The following CSMD1 variants were observed in gnomAD, a reference collection of about 807,000 sequenced individuals.
The protein encoded by CSMD1 is CUB and Sushi multiple domains 1, also known as CUB and sushi domain-containing protein 1.
CSMD1 carries 213 observed loss-of-function variants against 417.5 expected under a neutral mutation model. The ratio of observed to expected loss-of-function variants is 0.51; its 90% CI spans 0.46 to 0.57. The LOEUF is 0.57. Among genes scored for constraint, CSMD1 ranks in the 20% least tolerant of loss-of-function variants. CSMD1 has a pLI of 0.00. For synonymous variants in CSMD1, 2,862 were observed against 1,736.8 expected (o/e 1.65, Z -16.11); for missense variants, 6,923 against 4,529.7 (o/e 1.53, Z -15.17).
At chr8:4,290,634 C>G (rs1033234811) in intron 3 of CSMD1, among the ~76,000 whole-genome samples, 1 of 152,140 alleles carries the variant, frequency 6.6e-6, no homozygotes, top group East Asian at 1.9e-4. Flanking sequence ...GGAAAGATTC[C>G]TTGTGAGAAG....
In CSMD1 at chr8:4,248,937, G is replaced by A. The variant is rs561430936; in HGVS notation, c.415+171016C>T. Among the ~76,000 whole-genome samples the A allele has an allele frequency of 2.2e-4, 34 of 152,238 alleles. 1 individual carries two copies. The highest frequency in any genetic ancestry group is 9.8e-4 in the Admixed American group (15 of 15,282). The stretch of plus-strand genomic sequence containing the variant: ...TGAGAATGCCTATTTAATGCATGTA[G>A]ATGCATAATACCATAATGCTACTTT... On this transcript the variant is annotated intron_variant, in intron 3 of 69. Transcript: ENST00000635120.
In CSMD1 at chr8:4,595,471, G is replaced by T. The variant is rs1338497914; in HGVS notation, c.302+41871C>A. On this transcript the variant is annotated intron_variant, in intron 2 of 69. Transcript: ENST00000635120. The stretch of plus-strand genomic sequence containing the variant: ...CTGGTAAGACTGTTCTGGTTCTGTG[G>T]CTTCCTTTGGAGTCCTCTCAAATGG... Among the ~76,000 whole-genome samples the T allele has an allele frequency of 2.6e-5, 4 of 151,828 alleles. No homozygotes were observed. In the East Asian group the frequency reaches 7.8e-4, roughly 29 times the overall value.
At chr8:3,410,426 G>T (rs1384764873) in intron 12 of CSMD1, among the ~76,000 whole-genome samples, 1 of 152,106 alleles carries the variant, frequency 6.6e-6, no homozygotes, top group Non-Finnish European at 1.5e-5. Flanking sequence ...GCAGGGATCT[G>T]GTGGGAGGTA....
intron 26 of CSMD1, among the ~76,000 whole-genome samples, chr8:3,251,634 A>G (rs941440325): frequency 1.3e-5 from 2 of 152,112 alleles, no homozygotes; most frequent in Non-Finnish European, 2.9e-5. Flanking sequence ...GATGGCTTTG[A>G]ATCTATCAAT....
At chr8:4,233,686 G>A (rs1047158222) in intron 3 of CSMD1, among the ~76,000 whole-genome samples, 5 of 152,070 alleles carry the variant, frequency 3.3e-5, no homozygotes, top group South Asian at 2.1e-4. Context: ...GCTATCCAAT[G>A]TATGGAATTT....
chr8:4,547,816 G>C (rs2130547595), intron 2 of CSMD1, among the ~76,000 whole-genome samples: 1 of 152,334 alleles, frequency 6.6e-6, no homozygotes, highest in South Asian at 2.1e-4. Flanking sequence ...ATGTGGCAGA[G>C]AGAAACAAGA....
chr8:4,948,955 T>C (rs1214663355), intron 1 of CSMD1, among the ~76,000 whole-genome samples: 1 of 152,280 alleles, frequency 6.6e-6, no homozygotes, highest in East Asian at 1.9e-4. Context: ...ATGTACTTTA[T>C]ATAGCAAGGC....
At chr8:4,041,750 G>C (rs1370065517) in intron 3 of CSMD1, among the ~76,000 whole-genome samples, 3 of 152,038 alleles carry the variant, frequency 2.0e-5, no homozygotes, top group African/African-American at 4.8e-5. Flanking sequence ...TCTCAGTCAG[G>C]TGATGATGGA....
intron 3 of CSMD1, among the ~76,000 whole-genome samples, chr8:4,312,730 C>T (rs1798701213): frequency 6.6e-6 from 1 of 151,944 alleles, no homozygotes; most frequent in Non-Finnish European, 1.5e-5. Flanking sequence ...AAAAATGAGC[C>T]AGGCGTGGTG....
intron 1 of CSMD1, among the ~76,000 whole-genome samples, chr8:4,858,281 A>G (rs1362255316): frequency 5.3e-5 from 8 of 151,586 alleles, no homozygotes; most frequent in African/African-American, 1.7e-4. Context: ...AATAAAAGCT[A>G]TCTATGACAA....
At chr8:3,666,226 A>G (rs537351589) in intron 7 of CSMD1, among the ~76,000 whole-genome samples, 45 of 152,068 alleles carry the variant, frequency 3.0e-4, no homozygotes, top group Admixed American at 9.2e-4. Flanking sequence ...TGTTTTCCCC[A>G]CCACACTGGT....
chr8:4,955,300 TG>T (rs1181253689), intron 1 of CSMD1, among the ~76,000 whole-genome samples: 4 of 152,328 alleles, frequency 2.6e-5, no homozygotes, highest in Admixed American at 1.3e-4. Context: ...GTAATTAATT[TG>T]TATTTTAAAA....
At chr8:3,581,895 T>C (rs1800398345) in intron 9 of CSMD1, among the ~76,000 whole-genome samples, 1 of 152,108 alleles carries the variant, frequency 6.6e-6, no homozygotes, top group South Asian at 2.1e-4. Context: ...ACCGCCACCT[T>C]CGAGATTCAA....
intron 2 of CSMD1, among the ~76,000 whole-genome samples, chr8:4,595,148 T>G (rs1045755846): frequency 6.6e-6 from 1 of 152,052 alleles, no homozygotes; most frequent in Admixed American, 6.6e-5. Context: ...CCTCATTTAG[T>G]TTTTCACAGT....
chr8:4,208,609 G>A lies in CSMD1; in HGVS notation c.416-176510C>T, dbSNP rs888935958. On this transcript the variant is annotated intron_variant, in intron 3 of 69. Transcript: ENST00000635120. The stretch of plus-strand genomic sequence containing the variant: ...CTACTGAAATTAATGTTAAGAAAAT[G>A]AATATAGAGTCATAAAACTAAGGCC... Among the ~76,000 whole-genome samples the A allele has an allele frequency of 1.8e-4, 27 of 152,008 alleles. 1 individual carries two copies. Among genetic ancestry groups the A allele is most frequent in the African/African-American group, 6.3e-4 (26 of 41,366 alleles).
intron 11 of CSMD1, among the ~76,000 whole-genome samples, chr8:3,475,052 G>A (rs1469051759): frequency 2.0e-5 from 3 of 152,144 alleles, no homozygotes; most frequent in African/African-American, 2.4e-5. Context: ...TCTCCAGAAT[G>A]ATGGCATTTC....
At chr8:3,567,635 C>G (rs2116901038) in intron 10 of CSMD1, among the ~76,000 whole-genome samples, 1 of 152,068 alleles carries the variant, frequency 6.6e-6, no homozygotes, top group East Asian at 1.9e-4. Flanking sequence ...GGTATCAGCT[C>G]AAATTCCCAG....
chr8:3,053,880 A>C (rs907015131), intron 49 of CSMD1, among the ~76,000 whole-genome samples: 7 of 152,234 alleles, frequency 4.6e-5, no homozygotes, highest in Non-Finnish European at 1.0e-4. Flanking sequence ...ATCAGTATTA[A>C]AGATATTGTT....
intron 5 of CSMD1, among the ~76,000 whole-genome samples, chr8:3,992,851 G>C (rs770877128): frequency 6.6e-5 from 10 of 152,244 alleles, no homozygotes; most frequent in Non-Finnish European, 1.2e-4. Context: ...CTGCAGCATT[G>C]CTGCGTGGTC....
Sources: allele counts gnomAD v4.1 joint callset (sites outside exome capture counted in the v4.1 genomes callset), GRCh38; gene constraint gnomAD v4.1.1; transcripts MANE v1.5; gene names NCBI Gene and HGNC (gene_info 2026-07-23, HGNC 2026-07-21).